MADD: variants seen among roughly 807,000 people sequenced by gnomAD.
MADD encodes the protein MAP kinase-activating death domain protein.
MADD carries 109 observed loss-of-function variants against 176.7 expected under a neutral mutation model. The ratio of observed to expected loss-of-function variants is 0.62; its 90% CI spans 0.53 to 0.72. The LOEUF (loss-of-function observed/expected upper bound fraction) is 0.72. Among genes scored for constraint, MADD ranks in the 30% least tolerant of loss-of-function variants. The pLI is 0.00. For missense variants in MADD, 1,914 were observed against 2,045.5 expected (o/e 0.94, Z 1.24); for synonymous variants, 771 against 771.3 (o/e 1.00, Z 0.01).
exon 23 of MADD, chr11:47,308,616 G>T (rs946652400): frequency 6.2e-7 from 1 of 1,613,994 alleles, no homozygotes; most frequent in African/African-American, 1.3e-5. Context: ...TTGAAGCCAA[G>T]CATAAAGGAG....
intron 15 of MADD, among the ~76,000 whole-genome samples, chr11:47,288,352 TG>T (rs557360675): frequency 9.5e-4 from 145 of 152,096 alleles, no homozygotes; most frequent in Non-Finnish European, 1.7e-3. Context: ...TAGGTGAGGA[TG>T]GGAACATTGG....
At chr11:47,327,134 A>C in intron 31 of MADD, 10 of 1,054,718 alleles carry the variant, frequency 9.5e-6, no homozygotes, top group East Asian at 7.1e-5. Flanking sequence ...CAGACTGGCG[A>C]CCCCCAAGCT....
chr11:47,285,598 C>G lies in MADD; in HGVS notation c.2551+8C>G. 1.9e-6 allele frequency: 3 copies of G among 1,613,960 alleles called. No homozygotes were observed. Among genetic ancestry groups the G allele is most frequent in the Non-Finnish European group, 2.5e-6 (3 of 1,180,000 alleles). On this transcript the variant is annotated splice_region_variant and intron_variant, in intron 14 of 32. Coordinates refer to ENST00000402192, the Ensembl canonical transcript of MADD. ...GCATCATGTCTTTTGCCAGTAAGTGCCTTCAGCTGTCTCTCTCACTCCTGT... is the reference window on the plus strand; with the variant it reads ...GCATCATGTCTTTTGCCAGTAAGTGGCTTCAGCTGTCTCTCTCACTCCTGT...
At chr11:47,309,573 A>G in exon 25 of MADD, 3 of 1,614,158 alleles carry the variant, frequency 1.9e-6, no homozygotes, top group Non-Finnish European at 1.7e-6. Flanking sequence ...TGTTGGCCAC[A>G]CTTCTGCACA....
At position 47,295,427 on chromosome 11, in the gene MADD, T is replaced by C. The variant is rs1480981139; in HGVS notation, c.3403-69T>C. ...GTGGGGATGAGGAGAAAGAAAAAGG[T>C]ACAGTATTTCTGTGGGAAACTGAGA... On this transcript the variant is annotated intron_variant, in intron 20 of 32. Coordinates refer to ENST00000402192, the Ensembl canonical transcript of MADD. 6 of 1,268,210 alleles carry C rather than the reference T, an allele frequency of 4.7e-6. No homozygotes were observed. The Admixed American group carries it at 8.5e-5, about 18-fold the overall frequency. 78.6% of individuals were successfully genotyped at this position (1,268,210 alleles called of 1,614,324 possible). A position where few individuals can be genotyped will look rare whatever the true frequency, so the allele number is the denominator to read the frequency against.
At chr11:47,282,510 C>T in exon 9 of MADD, 17 of 1,614,178 alleles carry the variant, frequency 1.1e-5, no homozygotes, top group Non-Finnish European at 1.4e-5. Flanking sequence ...CCTCACGTCC[C>T]CGGCAGACTC....
chr11:47,313,078 G>GT (rs1415703935), intron 26 of MADD, among the ~76,000 whole-genome samples: 1 of 152,200 alleles, frequency 6.6e-6, no homozygotes. Context: ...TGAGCCTGTT[G>GT]TTTCAGGGAA....
rs41303841 is a variant in MADD at position 47,289,338 on chromosome 11, G to T, written c.2654-53G>T. The T allele has an allele frequency of 2.8e-4, 400 of 1,431,120 alleles. 2 individuals are homozygous for T. Among genetic ancestry groups the T allele is most frequent in the Non-Finnish European group, 3.3e-4 (338 of 1,014,510 alleles). The allele number at this position is 1,431,120 out of a possible 1,614,324, so 88.7% of individuals were successfully genotyped here. A position where few individuals can be genotyped will look rare whatever the true frequency, so the allele number is the denominator to read the frequency against. Reference sequence around the variant, plus strand: ...TGGCTACTTAGGGCTGTGCTGGCATGAGCTCCTGTACTACAATAGTGATGT... The same window carrying T: ...TGGCTACTTAGGGCTGTGCTGGCATTAGCTCCTGTACTACAATAGTGATGT... On this transcript the variant is annotated intron_variant, in intron 15 of 32. Coordinates refer to ENST00000402192, the Ensembl canonical transcript of MADD.
intron 27 of MADD, among the ~76,000 whole-genome samples, chr11:47,316,220 A>G (rs1037251593): frequency 1.3e-5 from 2 of 152,044 alleles, no homozygotes; most frequent in Admixed American, 1.3e-4. Context: ...ATATAGTCAC[A>G]TTGTTCATAA....
At chr11:47,303,897 C>T (rs534563862) in intron 22 of MADD, among the ~76,000 whole-genome samples, 22 of 152,198 alleles carry the variant, frequency 1.4e-4, no homozygotes, top group Admixed American at 5.2e-4. Context: ...CGTGAGCCAC[C>T]GCATCTGGCT....
intron 27 of MADD, among the ~76,000 whole-genome samples, 162 bp from the exon 31 acceptor site, chr11:47,323,509 T>C (rs1281335827): frequency 6.6e-6 from 1 of 152,226 alleles, no homozygotes; most frequent in Non-Finnish European, 1.5e-5. Context: ...GCAGGCAGCA[T>C]GTCAGTAGTT....
chr11:47,282,813 A>C (rs779249503), exon 10 of MADD: 1 of 1,612,788 alleles, frequency 6.2e-7, no homozygotes, highest in East Asian at 2.2e-5. Flanking sequence ...CATGGGGTAG[A>C]TATGTTTGAT....
chr11:47,276,207 G>C lies in MADD; in HGVS notation c.963+5G>C. The C allele has an allele frequency of 3.1e-6, 5 of 1,599,472 alleles. No individual in the cohort carries two copies. The highest frequency in any genetic ancestry group is 3.4e-6 in the Non-Finnish European group (4 of 1,170,288). ...TGCATTCTGTTAGAGCACAAGGTGA[G>C]AGGCAAGCTTCCTAGACCTTTCTAG... On this transcript the variant is annotated splice_donor_5th_base_variant and intron_variant, in intron 4 of 32. Coordinates refer to ENST00000402192, the Ensembl canonical transcript of MADD.
chr11:47,328,140 T>C, intron 31 of MADD: 2 of 1,015,662 alleles, frequency 2.0e-6, no homozygotes, highest in Non-Finnish European at 2.4e-6. Context: ...TCATGTTACC[T>C]CTTCATCCAG....
At chr11:47,282,895 C>T (rs758569253) in exon 10 of MADD, 2 of 1,614,070 alleles carry the variant, frequency 1.2e-6, no homozygotes, top group Non-Finnish European at 1.7e-6. Flanking sequence ...GCGTCTATGA[C>T]AGCAATTCCC....
chr11:47,300,177 G>C (rs1477363523), intron 22 of MADD, among the ~76,000 whole-genome samples: 1 of 150,066 alleles, frequency 6.7e-6, no homozygotes, highest in Non-Finnish European at 1.5e-5. Context: ...AAGCTATTGG[G>C]TCCTGAGGCT....
rs934946456 is a variant in MADD at position 47,296,136 on chromosome 11, G to T, written c.3642+81G>T. 3 of 1,484,496 alleles carry T rather than the reference G, an allele frequency of 2.0e-6. No homozygotes were observed. In the African/African-American group the frequency reaches 4.2e-5, roughly 21 times the overall value. The allele number at this position is 1,484,496 out of a possible 1,614,324, so 92.0% of individuals were successfully genotyped here. A position where few individuals can be genotyped will look rare whatever the true frequency, so the allele number is the denominator to read the frequency against. On this transcript the variant is annotated intron_variant, in intron 22 of 32. Coordinates refer to ENST00000402192, the Ensembl canonical transcript of MADD. ...GGCAAGAAAAGAATGAAAGTTAAGA[G>T]ACGCTAAAGAGGTAAAGGTTAAATA...
chr11:47,294,584 C>T (rs1489024196), intron 20 of MADD, among the ~76,000 whole-genome samples: 1 of 144,320 alleles, frequency 6.9e-6, no homozygotes, highest in Non-Finnish European at 1.5e-5. Context: ...GCAGGAGAAT[C>T]ACTGGAACCC....
chr11:47,290,260 G>T, exon 18 of MADD: 1 of 1,614,096 alleles, frequency 6.2e-7, no homozygotes, highest in Non-Finnish European at 8.5e-7. Context: ...CAGCATCTTT[G>T]GGCTTTTGGA....
Sources: gnomAD v4.1 joint callset for allele counts (sites outside exome capture counted in the v4.1 genomes callset) on GRCh38, gnomAD v4.1.1 for gene constraint, MANE v1.5 for transcripts, NCBI Gene and HGNC (gene_info 2026-07-23, HGNC 2026-07-21) for gene names.